The following LARS2 variants were observed in gnomAD, a reference collection of about 807,000 sequenced individuals.
The protein encoded by LARS2 is leucyl-tRNA synthetase 2, mitochondrial.
Under a neutral mutation model 116.6 loss-of-function variants are expected in LARS2, and 81 were observed. That is an observed-to-expected ratio of 0.69 (90% CI 0.58 to 0.84). The LOEUF is 0.84. Ranked by LOEUF, LARS2 falls within the 40% of genes least tolerant of loss-of-function variation. LARS2 has a pLI of 0.00. For missense variants in LARS2, 968 were observed against 1,114.5 expected, an observed-to-expected ratio of 0.87 and a Z score of 1.87; for synonymous variants, 396 against 407.2, an observed-to-expected ratio of 0.97 and a Z score of 0.33.
intron 19 of LARS2, among the ~76,000 whole-genome samples, chr3:45,523,744 C>T (rs1406359142): frequency 6.6e-6 from 1 of 151,308 alleles, no homozygotes; most frequent in East Asian, 1.9e-4. Context: ...ACTATAGTGC[C>T]CAGGCTGGTC....
At chr3:45,547,004 G>A (rs1174989785) in intron 21 of LARS2, among the ~76,000 whole-genome samples, 6 of 152,176 alleles carry the variant, frequency 3.9e-5, no homozygotes, top group Non-Finnish European at 7.3e-5. Context: ...TTTCTGCCTG[G>A]AAATGGCCCA....
At chr3:45,504,899 G>A (rs1198395847) in intron 15 of LARS2, among the ~76,000 whole-genome samples, 1 of 151,564 alleles carries the variant, frequency 6.6e-6, no homozygotes, top group African/African-American at 2.4e-5. Flanking sequence ...GGCCAACATG[G>A]TGAAACCCCA....
chr3:45,523,987 T>A lies in LARS2; in HGVS notation c.2293-10T>A, dbSNP rs955005637. 1 of 1,609,240 alleles carries A rather than the reference T, an allele frequency of 6.2e-7. No individual in the cohort carries two copies. The highest frequency in any genetic ancestry group is 1.3e-5 in the African/African-American group (1 of 74,898). ...CCTCAGTCTTCTTACTTTTTTTTCC[T>A]CTTCCTTAGCAAGCCTCTCAGAGCG... is the stretch of plus-strand genomic sequence containing the variant. On this transcript the variant is annotated splice_polypyrimidine_tract_variant and intron_variant, in intron 19 of 21. Transcript: ENST00000645846.
intron 20 of LARS2, among the ~76,000 whole-genome samples, chr3:45,540,440 GTCACAAACTCAGCT>G (rs1700773817): frequency 6.6e-6 from 1 of 152,144 alleles, no homozygotes; most frequent in Non-Finnish European, 1.5e-5. Flanking sequence ...GACTCCCTCT[GTCACAAACTCAGCT>G]TCAGCCCATA....
chr3:45,443,695 A>G (rs1177161553), intron 6 of LARS2, among the ~76,000 whole-genome samples: 1 of 152,168 alleles, frequency 6.6e-6, no homozygotes, highest in Admixed American at 6.5e-5. Flanking sequence ...AGTGCTGTGA[A>G]TATGCCTGGA....
intron 20 of LARS2, among the ~76,000 whole-genome samples, chr3:45,540,758 A>G (rs550005127): frequency 0.11 from 15,657 of 148,084 alleles, 926 homozygotes; most frequent in Non-Finnish European, 0.13. Flanking sequence ...CTATCTATCT[A>G]TCTATCTATC....
chr3:45,514,685 A>G (rs1053625070), intron 16 of LARS2, among the ~76,000 whole-genome samples: 3 of 152,236 alleles, frequency 2.0e-5, no homozygotes, highest in African/African-American at 7.2e-5. Flanking sequence ...TTCTCAAGCC[A>G]TACATTTCAG....
chr3:45,402,263 T>C (rs745800125), intron 4 of LARS2, among the ~76,000 whole-genome samples: 4 of 152,236 alleles, frequency 2.6e-5, no homozygotes, highest in Non-Finnish European at 4.4e-5. Context: ...CCAATAAGTA[T>C]TAGCAATTGC....
At chr3:45,496,223 CT>C in intron 13 of LARS2, 51 bp from the exon 14 acceptor site, 2 of 1,358,024 alleles carry the variant, frequency 1.5e-6, no homozygotes, top group Non-Finnish European at 2.1e-6. Context: ...TGATGGAAAA[CT>C]GCATTAAAAT....
intron 6 of LARS2, among the ~76,000 whole-genome samples, chr3:45,441,914 A>G (rs1394844818): frequency 6.6e-6 from 1 of 152,128 alleles, no homozygotes; most frequent in African/African-American, 2.4e-5. Context: ...AAAACCAGGT[A>G]TTACAGAATG....
At chr3:45,477,445 C>G (rs907284960) in intron 10 of LARS2, among the ~76,000 whole-genome samples, 10 of 152,200 alleles carry the variant, frequency 6.6e-5, no homozygotes, top group Admixed American at 2.0e-4. Flanking sequence ...TTCAAGACTC[C>G]TCTTGCAGGG....
chr3:45,414,506 C>T (rs79635331), intron 4 of LARS2, among the ~76,000 whole-genome samples: 188 of 152,110 alleles, frequency 1.2e-3, no homozygotes, highest in African/African-American at 4.4e-3. Context: ...CAGTAAGTGC[C>T]TCTCAGTATT....
intron 7 of LARS2, among the ~76,000 whole-genome samples, chr3:45,450,810 A>C (rs1699115009): frequency 6.6e-6 from 1 of 152,122 alleles, no homozygotes; most frequent in South Asian, 2.1e-4. Flanking sequence ...TTTTTCACAC[A>C]GTGTATGAGG....
intron 8 of LARS2, among the ~76,000 whole-genome samples, chr3:45,470,493 TG>T (rs1292174636): frequency 2.0e-5 from 3 of 152,204 alleles, no homozygotes; most frequent in East Asian, 3.9e-4. Context: ...TTCGTTCAGA[TG>T]GTGTACCCTA....
chr3:45,491,572 G>T lies in LARS2; in HGVS notation c.1295G>T (p.Gly432Val), dbSNP rs1699916179. 1 of 1,614,186 alleles carries T rather than the reference G, an allele frequency of 6.2e-7. No homozygotes were observed. The highest frequency in any genetic ancestry group is 8.5e-7 in the Non-Finnish European group (1 of 1,180,030). ...CTAGCCCTGACTCAGAAAGCCCGGG[G>T]GAAGAGAGTGGGTGGAGACGTGACA... is the stretch of plus-strand genomic sequence containing the variant. ...AFLALTQKAR[G>V]KRVGGDVTSD... The change falls in exon 13 of 22, where the codon GGG becomes GTG. Residue 432 changes from glycine to valine, a missense_variant. Gly to Val is a moderately radical substitution (Grantham distance 109). Transcript: ENST00000645846.
At chr3:45,486,479 G>C (rs961000366) in intron 11 of LARS2, among the ~76,000 whole-genome samples, 1 of 152,186 alleles carries the variant, frequency 6.6e-6, no homozygotes, top group Admixed American at 6.5e-5. Flanking sequence ...GGACAGACCT[G>C]TGCATTTTTC....
chr3:45,476,444 A>G (rs1389215964), intron 9 of LARS2, 24 bp from the exon 10 acceptor site: 1 of 1,613,660 alleles, frequency 6.2e-7, no homozygotes, highest in Non-Finnish European at 8.5e-7. Context: ...GAGAAATGAC[A>G]TCACTCTTCT....
intron 9 of LARS2, among the ~76,000 whole-genome samples, chr3:45,475,720 A>G (rs1256376156): frequency 3.9e-5 from 6 of 152,256 alleles, no homozygotes; most frequent in Non-Finnish European, 8.8e-5. Context: ...TCTCAGTCCT[A>G]CAGGGTAGAC....
chr3:45,396,786 G>A (rs1289947572), intron 3 of LARS2, among the ~76,000 whole-genome samples: 1 of 152,186 alleles, frequency 6.6e-6, no homozygotes, highest in Non-Finnish European at 1.5e-5. Context: ...AAAAGGTTTA[G>A]GTAATTTGCC....
Sources: allele counts gnomAD v4.1 joint callset (sites outside exome capture counted in the v4.1 genomes callset), GRCh38; gene constraint gnomAD v4.1.1; transcripts MANE v1.5; gene names NCBI Gene and HGNC (gene_info 2026-07-23, HGNC 2026-07-21).